The following CEP164 variants were observed in gnomAD, a reference collection of about 807,000 sequenced individuals.
CEP164 encodes centrosomal protein of 164 kDa.
CEP164 carries 162 observed loss-of-function variants against 182.7 expected under a neutral mutation model. The ratio of observed to expected loss-of-function variants is 0.89; its 90% CI spans 0.78 to 1.01. CEP164 has a LOEUF of 1.01. Among genes scored for constraint, CEP164 ranks in the 50% least tolerant of loss-of-function variants. The pLI is 0.00. For missense variants in CEP164, 1,735 were observed against 1,790.4 expected, an observed-to-expected ratio of 0.97 and a Z score of 0.56; for synonymous variants, 661 against 690.0, an observed-to-expected ratio of 0.96 and a Z score of 0.66.
chr11:117,387,583 G>A (rs755765666), intron 15 of CEP164, among the ~76,000 whole-genome samples, 171 bp downstream of exon 15: 36 of 152,204 alleles, frequency 2.4e-4, no homozygotes, highest in Non-Finnish European at 4.9e-4. Flanking sequence ...GTTACACCTA[G>A]TTGCAGAGAA....
chr11:117,373,661 G>T, intron 9 of CEP164, 90 bp from the exon 10 acceptor site: 1 of 1,108,036 alleles, frequency 9.0e-7, no homozygotes, highest in Admixed American at 1.8e-5. Context: ...CCCTATATTG[G>T]CCCCATGGCC....
rs188307193 is a variant in CEP164 at position 117,335,439 on chromosome 11, G to A, written c.-97-166G>A. On this transcript the variant is annotated intron_variant, in intron 1 of 32. Transcript: ENST00000278935. ...GGCAGGACTCCTCTGTTGCCCACCC[G>A]TTAGCTGTCATGGTACAGAGGGGGG... is the stretch of plus-strand genomic sequence containing the variant. Among the ~76,000 whole-genome samples, 481 of 152,144 alleles carry A rather than the reference G, an allele frequency of 3.2e-3. 2 individuals carry two copies. The highest frequency in any genetic ancestry group is 4.6e-3 in the Non-Finnish European group (310 of 68,002).
chr11:117,365,302 C>T (rs144174577), intron 8 of CEP164, among the ~76,000 whole-genome samples: 6 of 152,344 alleles, frequency 3.9e-5, no homozygotes, highest in Admixed American at 3.9e-4. Flanking sequence ...TTTTGTTCAA[C>T]AATCGAGAGA....
intron 20 of CEP164, 112 bp downstream of exon 20, chr11:117,393,238 T>G: frequency 2.3e-5 from 32 of 1,417,390 alleles, no homozygotes; most frequent in Non-Finnish European, 2.6e-5. Context: ...CACCCCGGGG[T>G]CCTTCCCACC....
chr11:117,392,770 C>A (rs2044840356), intron 19 of CEP164, 143 bp downstream of exon 19: 1 of 1,282,960 alleles, frequency 7.8e-7, no homozygotes, highest in African/African-American at 1.5e-5. Context: ...CTTTTTATGC[C>A]TTAGTTCCCT....
intron 28 of CEP164, chr11:117,408,612 G>A: frequency 2.3e-6 from 1 of 440,278 alleles, no homozygotes; most frequent in South Asian, 2.6e-5. Flanking sequence ...GGTACCTGGT[G>A]GAACTCTGGG....
Position 117,375,651 on chromosome 11 carries a change from G to C in CEP164, c.1234-57G>C, listed in dbSNP as rs2042663683. 2.0e-6 allele frequency: 3 copies of C among 1,466,348 alleles called. No homozygotes were observed. In the South Asian group the frequency reaches 3.4e-5, roughly 17 times the overall value. 90.8% of individuals were successfully genotyped at this position (1,466,348 alleles called of 1,614,324 possible). On this transcript the variant is annotated intron_variant, in intron 10 of 32. Coordinates refer to ENST00000278935, the MANE Select transcript of CEP164 (RefSeq NM_014956.5). The stretch of plus-strand genomic sequence containing the variant: ...TGGAGTTGGGGTAGTGAAGAGGCCT[G>C]GTGGGTGTTGACTGTGACAGAGGCA...
intron 27 of CEP164, among the ~76,000 whole-genome samples, chr11:117,402,931 T>C (rs2046305527): frequency 6.6e-6 from 1 of 152,252 alleles, no homozygotes; most frequent in Non-Finnish European, 1.5e-5. Flanking sequence ...AATGCCCTTC[T>C]TTGTCTTTTT....
chr11:117,340,910 T>C (rs1486202440), intron 3 of CEP164, among the ~76,000 whole-genome samples: 2 of 152,236 alleles, frequency 1.3e-5, no homozygotes, highest in Non-Finnish European at 2.9e-5. Flanking sequence ...CTCGGCTCGC[T>C]GCAACCTCCA....
intron 5 of CEP164, among the ~76,000 whole-genome samples, chr11:117,360,783 A>G (rs558326552): frequency 6.6e-6 from 1 of 152,214 alleles, no homozygotes; most frequent in Non-Finnish European, 1.5e-5. Context: ...CTCAAAGGCA[A>G]CCATTCTGTT....
At chr11:117,396,207 C>A in intron 25 of CEP164, 27 bp downstream of exon 25, 1 of 537,614 alleles carries the variant, frequency 1.9e-6, no homozygotes, top group Non-Finnish European at 3.6e-6. Flanking sequence ...GGCCTGGGGG[C>A]TGGGGCACCA....
Position 117,387,301 on chromosome 11 carries a change from G to A in CEP164, c.1823G>A (p.Arg608Lys), listed in dbSNP as rs747579095. The A allele has an allele frequency of 1.2e-6, 2 of 1,614,204 alleles. No individual in the cohort carries two copies. Among genetic ancestry groups the A allele is most frequent in the African/African-American group, 2.7e-5 (2 of 75,054 alleles). ...GCCCAAGTACTCGAGCAAGACCAGA[G>A]GCACCTGCTGGAATCCAAGCAAGAG... ...AVAQVLEQDQ[R>K]HLLESKQEKM... The change falls in exon 15 of 33, where the codon AGG becomes AAG. Residue 608 changes from arginine to lysine, a missense_variant. Physicochemically the swap from Arg to Lys is conservative, Grantham distance 26. Coordinates refer to ENST00000278935, the MANE Select transcript of CEP164 (RefSeq NM_014956.5).
intron 5 of CEP164, chr11:117,356,224 C>T: frequency 1.8e-6 from 2 of 1,089,142 alleles, no homozygotes; most frequent in South Asian, 2.3e-5. Flanking sequence ...AAAGTGAAGA[C>T]TACTCTGAGG....
intron 8 of CEP164, among the ~76,000 whole-genome samples, chr11:117,363,787 T>TA (rs1169666220): frequency 6.8e-6 from 1 of 146,072 alleles, no homozygotes; most frequent in East Asian, 2.0e-4. Context: ...TTTTTTTTTT[T>TA]AAGAGACAGA....
intron 3 of CEP164, among the ~76,000 whole-genome samples, chr11:117,339,070 C>T (rs181917530): frequency 1.3e-3 from 203 of 152,128 alleles, no homozygotes; most frequent in East Asian, 7.7e-3. Context: ...TGCCTGCCTC[C>T]GGCTCCCAAA....
At position 117,392,600 on chromosome 11, in the gene CEP164, T is replaced by G. The variant is rs563608251; in HGVS notation, c.2466T>G (p.Ser822=). 2 of 1,614,144 alleles carry G rather than the reference T, an allele frequency of 1.2e-6. No homozygotes were observed. Among genetic ancestry groups the G allele is most frequent in the Admixed American group, 3.3e-5 (2 of 60,028 alleles). ...TGGAGCACAGAGTTCACCAGAAGTC[T>G]TATCACGTGGCTGGGTATGAGCACG... The part of the protein sequence containing the change: ...GQVEHRVHQK[S]YHVAGYEHEL... The change falls in exon 19 of 33, where the codon TCT becomes TCG. Residue 822 remains serine, a synonymous_variant. Transcript: ENST00000278935.
intron 14 of CEP164, 40 bp from the exon 15 acceptor site, chr11:117,387,163 A>G: frequency 6.4e-7 from 1 of 1,569,412 alleles, no homozygotes. Flanking sequence ...GTGGGTGGAC[A>G]TTAACCCTGT....
intron 18 of CEP164, 79 bp downstream of exon 18, chr11:117,392,382 C>G (rs2044773222): frequency 1.3e-6 from 2 of 1,567,078 alleles, no homozygotes; most frequent in African/African-American, 2.7e-5. Flanking sequence ...GGCAGCGAGC[C>G]TCTCTCTCCA....
In CEP164 at chr11:117,411,351, G is replaced by A. The variant is rs1239390495; in HGVS notation, c.4164-444G>A. 8.4e-6 allele frequency: 2 copies of A among 239,362 alleles called. No individual in the cohort carries two copies. Among genetic ancestry groups the A allele is most frequent in the Admixed American group, 5.0e-5 (1 of 19,936 alleles). 14.8% of individuals were successfully genotyped at this position (239,362 alleles called of 1,614,324 possible). A position where few individuals can be genotyped will look rare whatever the true frequency, so the allele number is the denominator to read the frequency against. On this transcript the variant is annotated intron_variant, in intron 31 of 32. Coordinates refer to ENST00000278935, the MANE Select transcript of CEP164 (RefSeq NM_014956.5). This position sits in a 1 kb window ranked among gnomAD's most constrained non-coding sequence, Gnocchi z 4.4. ...GGACACCCTGTGGAGGAGACAGACG[G>A]GCAATTATTTAAACCTGTTATTAAT...
Sources: gnomAD v4.1 joint callset for allele counts (sites outside exome capture counted in the v4.1 genomes callset) on GRCh38, gnomAD v4.1.1 for gene constraint, Gnocchi (gnomAD v3.1) non-coding constraint, MANE v1.5 for transcripts, NCBI Gene and HGNC (gene_info 2026-07-23, HGNC 2026-07-21) for gene names.